USP36: variants seen among roughly 807,000 people sequenced by gnomAD.
The protein encoded by USP36 is ubiquitin carboxyl-terminal hydrolase 36.
In USP36, 59 loss-of-function variants were observed where a neutral mutation model predicts 111.5. The observed-to-expected ratio is 0.53, with a 90% CI of 0.43 to 0.66. USP36 has a LOEUF of 0.66. Among genes scored for constraint, USP36 ranks in the 30% least tolerant of loss-of-function variants. The pLI is 0.00. For synonymous variants in USP36, 628 were observed against 581.0 expected, an observed-to-expected ratio of 1.08 and a Z score of -1.16; for missense variants, 1,488 against 1,468.0, an observed-to-expected ratio of 1.01 and a Z score of -0.22.
Position 78,807,267 on chromosome 17 carries a change from C to T in USP36, c.1777G>A (p.Gly593Arg), listed in dbSNP as rs139155069. The change falls in exon 14 of 21, where the codon GGG becomes AGG. Residue 593 changes from glycine (G) to arginine (R), a missense_variant. By Grantham distance (125) the Gly-to-Arg change is moderately radical (BLOSUM62 -2). Coordinates refer to ENST00000449938, the MANE Select transcript of USP36 (RefSeq NM_001385174.1). ...TCGTCGTTCCCCTTCAGCCCATGCC[C>T]GTTGGCAGTGGCTGTAGCCAGGAGC... ...PKLLATATAN[G>R]HGLKGNDESA... 7.0e-5 allele frequency: 113 copies of T among 1,614,116 alleles called. No individual in the cohort carries two copies. The African/African-American group carries it at 7.2e-4, about 10-fold the overall frequency.
At chr17:78,811,386 T>A (rs16971728) in intron 13 of USP36, among the ~76,000 whole-genome samples, 9,348 of 152,272 alleles carry the variant, frequency 0.061, 525 homozygotes, top group South Asian at 0.15. Context: ...TGTATGACTA[T>A]GTACGTATGC....
chr17:78,821,410 A>AT (rs2094322887), intron 7 of USP36: 2 of 62,502 alleles, frequency 3.2e-5, no homozygotes, highest in African/African-American at 1.8e-4. Flanking sequence ...ATATATATAT[A>AT]TATATATATA....
intron 15 of USP36, among the ~76,000 whole-genome samples, chr17:78,805,260 T>C (rs555818206): frequency 6.6e-6 from 1 of 152,254 alleles, no homozygotes; most frequent in African/African-American, 2.4e-5. Context: ...CTAAGTGTCT[T>C]CTGGAATCTT....
At chr17:78,822,917 C>G (rs982108908) in intron 6 of USP36, among the ~76,000 whole-genome samples, 3 of 152,182 alleles carry the variant, frequency 2.0e-5, no homozygotes, top group African/African-American at 7.2e-5. Context: ...AGAAGAGCTT[C>G]CCCTCTCCCC....
At position 78,798,578 on chromosome 17, in the gene USP36, G is replaced by C. The variant is rs757440797; in HGVS notation, c.3241-27C>G. 9.3e-6 allele frequency: 15 copies of C among 1,609,862 alleles called. No homozygotes were observed. The highest frequency in any genetic ancestry group is 1.2e-5 in the Non-Finnish European group (14 of 1,179,844). On this transcript the variant is annotated intron_variant, in intron 19 of 20. Coordinates refer to ENST00000449938, the MANE Select transcript of USP36 (RefSeq NM_001385174.1). The surrounding 1 kb of genome is among the most constrained non-coding windows in gnomAD (Gnocchi z 5.1). ...TAGACCAAGAATCACAGGCATCACA[G>C]TTCCCAAAAACGGCTCTTTCCTGGC...
In USP36 at chr17:78,798,435, G is replaced by A; in HGVS notation, c.3357C>T (p.Leu1119=). The A allele has an allele frequency of 6.2e-7, 1 of 1,614,188 alleles. No individual in the cohort carries two copies. Among genetic ancestry groups the A allele is most frequent in the East Asian group, 2.2e-5 (1 of 44,876 alleles). ...SVTHPAKAAS[L]SYRR ...AGGGGCACAGTCAGCGGCGATAGCT[G>A]AGGCTGGCAGCCTTTGCTGGGTGAG... The change falls in exon 20 of 21, where the codon CTC becomes CTT. Residue 1119 remains leucine, a synonymous_variant. Transcript: ENST00000449938. The surrounding 1 kb of genome is among the most constrained non-coding windows in gnomAD (Gnocchi z 5.1).
At chr17:78,789,809 A>G (rs1417573430) in intron 3 of USP36, among the ~76,000 whole-genome samples, 1 of 152,236 alleles carries the variant, frequency 6.6e-6, no homozygotes, top group African/African-American at 2.4e-5. Context: ...AGACTTCACC[A>G]AAATGTTTTC....
intron 4 of USP36, among the ~76,000 whole-genome samples, chr17:78,832,497 T>C (rs1445615673): frequency 7.9e-5 from 12 of 152,232 alleles, no homozygotes; most frequent in Non-Finnish European, 1.8e-4. Context: ...AGACCAGGCG[T>C]TCCCCTTGAA....
At chr17:78,788,048 AC>A (rs2093550131) in intron 3 of USP36, among the ~76,000 whole-genome samples, 1 of 152,230 alleles carries the variant, frequency 6.6e-6, no homozygotes, top group Non-Finnish European at 1.5e-5. Flanking sequence ...CTGTGAGAGA[AC>A]ATTCCCATTG....
At position 78,835,457 on chromosome 17, in the gene USP36, G is replaced by C; in HGVS notation, c.298C>G (p.Pro100Ala). The C allele has an allele frequency of 1.2e-6, 2 of 1,612,976 alleles. No homozygotes were observed. The highest frequency in any genetic ancestry group is 1.7e-6 in the Non-Finnish European group (2 of 1,179,482). Residue 100 changes from proline (P) to alanine (A), a missense_variant, in exon 4 of 21, where the codon CCG becomes GCG. Transcript: ENST00000449938. ...YESCGDGVPA[P>A]QKVLFPTERL... Reference sequence around the variant, plus strand: ...TCCGTGGGGAAAAGCACTTTCTGCGGGGCTGGGACTCCGTCACCACAGCTC... The same window carrying C: ...TCCGTGGGGAAAAGCACTTTCTGCGCGGCTGGGACTCCGTCACCACAGCTC...
chr17:78,841,243 A>T (rs1438042014), upstream of USP36: 1 of 152,184 alleles, frequency 6.6e-6, no homozygotes, highest in Admixed American at 6.5e-5. Flanking sequence ...GGGCAGGGAG[A>T]AGGCTGGGCT....
At chr17:78,826,254 G>A (rs2067531359) in intron 6 of USP36, among the ~76,000 whole-genome samples, 1 of 152,220 alleles carries the variant, frequency 6.6e-6, no homozygotes, top group Non-Finnish European at 1.5e-5. Context: ...CTTAAGCCAG[G>A]AATGGTGGCT....
intron 9 of USP36, among the ~76,000 whole-genome samples, chr17:78,819,682 A>G (rs999181677): frequency 2.6e-5 from 4 of 152,254 alleles, no homozygotes; most frequent in Non-Finnish European, 5.9e-5. Flanking sequence ...GGGAAACCAC[A>G]GCCCCTACTG....
chr17:78,831,240 A>G (rs954291637), intron 4 of USP36, among the ~76,000 whole-genome samples: 1 of 148,470 alleles, frequency 6.7e-6, no homozygotes, highest in African/African-American at 2.5e-5. Context: ...AAAAAAAAAA[A>G]AAAAAAAAAA....
At chr17:78,809,437 T>G (rs546119669) in intron 13 of USP36, among the ~76,000 whole-genome samples, 8 of 152,336 alleles carry the variant, frequency 5.3e-5, no homozygotes, top group Non-Finnish European at 1.2e-4. Flanking sequence ...ACACTAGAAC[T>G]TGCACCATGT....
intron 12 of USP36, 52 bp downstream of exon 12, chr17:78,813,721 A>G: frequency 6.5e-7 from 1 of 1,539,100 alleles, no homozygotes; most frequent in African/African-American, 1.4e-5. Flanking sequence ...CCACCGGTAT[A>G]AGAAAAGAGC....
intron 6 of USP36, among the ~76,000 whole-genome samples, chr17:78,823,568 G>A (rs936732380): frequency 3.3e-5 from 5 of 152,192 alleles, no homozygotes; most frequent in African/African-American, 4.8e-5. Context: ...GGGGGCAGGA[G>A]GTGGCCCGAG....
intron 11 of USP36, 80 bp downstream of exon 11, chr17:78,814,332 C>T (rs955541699): frequency 8.3e-6 from 13 of 1,565,082 alleles, no homozygotes; most frequent in Non-Finnish European, 1.1e-5. Flanking sequence ...AAAGTAAGTG[C>T]TCTACAGAGG....
chr17:78,811,204 C>T (rs2094046848), intron 13 of USP36, among the ~76,000 whole-genome samples: 1 of 147,004 alleles, frequency 6.8e-6, no homozygotes, highest in Admixed American at 6.8e-5. Context: ...TCACTGTGTT[C>T]TAATGAGGAA....
Sources: gnomAD v4.1 joint callset for allele counts (sites outside exome capture counted in the v4.1 genomes callset) on GRCh38, gnomAD v4.1.1 for gene constraint, Gnocchi (gnomAD v3.1) non-coding constraint, MANE v1.5 for transcripts, NCBI Gene and HGNC (gene_info 2026-07-23, HGNC 2026-07-21) for gene names.